The following LACTBL1 variants were observed in gnomAD, a reference collection of about 807,000 sequenced individuals.
LACTBL1 encodes the protein beta-lactamase-like protein 1.
In LACTBL1, 29 loss-of-function variants were observed where a neutral mutation model predicts 39.6. That is an observed-to-expected ratio of 0.73 (90% CI 0.55 to 1.00). The LOEUF (loss-of-function observed/expected upper bound fraction) is 1.00, where lower values mean the gene tolerates loss of function less well. Among genes scored for constraint, LACTBL1 ranks in the 50% least tolerant of loss-of-function variants. The pLI is 0.00. For missense variants in LACTBL1, 711 were observed against 748.5 expected (o/e 0.95, Z 0.59); for synonymous variants, 361 against 360.7 (o/e 1.00, Z -0.01).
chr1:22,959,847 C>T lies in LACTBL1; in HGVS notation c.317+95G>A, dbSNP rs1640801483. Reference sequence around the variant, plus strand: ...TAATAGGCCCTGGCAGATTAGACCCCAGCCATGATTCTCTTCAGTATCCTT... The same window carrying T: ...TAATAGGCCCTGGCAGATTAGACCCTAGCCATGATTCTCTTCAGTATCCTT... On this transcript the variant is annotated intron_variant, in intron 3 of 5. Transcript: ENST00000426928. 7 of 1,413,366 alleles carry T rather than the reference C, an allele frequency of 5.0e-6. No individual in the cohort carries two copies. In the East Asian group the frequency reaches 1.7e-4, roughly 35 times the overall value. The allele number at this position is 1,413,366 out of a possible 1,614,324, so 87.6% of individuals were successfully genotyped here.
exon 6 of LACTBL1, chr1:22,953,073 C>A (rs893271889): frequency 8.1e-7 from 1 of 1,232,198 alleles, no homozygotes; most frequent in South Asian, 4.1e-5. Context: ...GCTTGCCCCG[C>A]AGCCGCAGCA....
chr1:22,964,474 C>A (rs996014722), intron 1 of LACTBL1, among the ~76,000 whole-genome samples: 5 of 152,210 alleles, frequency 3.3e-5, no homozygotes, highest in African/African-American at 1.2e-4. Flanking sequence ...GCCGACTTGC[C>A]CAGTGCACCA....
chr1:22,953,658 G>A (rs1570496947), exon 6 of LACTBL1: 2 of 1,271,908 alleles, frequency 1.6e-6, no homozygotes, highest in East Asian at 3.2e-5. Flanking sequence ...CCGTCTCGTT[G>A]GCGAAGTAGG....
At chr1:22,971,506 A>AAC in the LACTBL1 span, among the ~76,000 whole-genome samples, 1 of 67,382 alleles carries the variant, frequency 1.5e-5, no homozygotes, top group Non-Finnish European at 3.2e-5. Flanking sequence ...CGGCTCCACC[A>AAC]CCCCCCAACC....
chr1:22,958,263 T>C, intron 4 of LACTBL1, among the ~76,000 whole-genome samples: 1 of 151,998 alleles, frequency 6.6e-6, no homozygotes, highest in African/African-American at 2.4e-5. Flanking sequence ...TTTTTTAAAA[T>C]TTTTAGAGAC....
At chr1:22,953,960 C>T (rs1361373546) in exon 6 of LACTBL1, 12 of 1,549,596 alleles carry the variant, frequency 7.7e-6, no homozygotes, top group Non-Finnish European at 9.6e-6. Context: ...TGGTAGTCGC[C>T]CTGGGCGGTG....
upstream of LACTBL1, among the ~76,000 whole-genome samples, chr1:22,968,692 A>T (rs918619596): frequency 6.6e-6 from 1 of 152,184 alleles, no homozygotes; most frequent in African/African-American, 2.4e-5. Flanking sequence ...CTGATTTGCA[A>T]TCTTAGCTCA....
chr1:22,958,980 T>C (rs1304944563), intron 3 of LACTBL1, 60 bp from the exon 6 acceptor site: 1 of 1,138,364 alleles, frequency 8.8e-7, no homozygotes, highest in African/African-American at 1.5e-5. Flanking sequence ...ACAACCCACC[T>C]CCTGCCCCCA....
At chr1:22,965,205 C>G (rs1313380100) in intron 1 of LACTBL1, 85 bp downstream of exon 3, 13 of 1,169,944 alleles carry the variant, frequency 1.1e-5, no homozygotes, top group Non-Finnish European at 1.4e-5. Flanking sequence ...TCCTCCCCTA[C>G]ACACTAGAAT....
chr1:22,965,272 G>T lies in LACTBL1; in HGVS notation c.49+18C>A. 1 of 1,312,150 alleles carries T rather than the reference G, an allele frequency of 7.6e-7. No individual in the cohort carries two copies. 81.3% of individuals were successfully genotyped at this position (1,312,150 alleles called of 1,614,324 possible). On this transcript the variant is annotated intron_variant, in intron 1 of 5. Transcript: ENST00000426928. ...CAGGGGGCTATGGGGAGGAACTCAA[G>T]GCTGTCTCTGCACTCACCGGTCTTC... is the stretch of plus-strand genomic sequence containing the variant.
intron 1 of LACTBL1, 25 bp downstream of exon 3, chr1:22,965,265 A>G: frequency 7.7e-7 from 1 of 1,305,998 alleles, no homozygotes. Flanking sequence ...TATGGGGAGG[A>G]ACTCAAGGCT....
chr1:22,958,933 G>A lies in LACTBL1; in HGVS notation c.318-13C>T, dbSNP rs1319159072. 1.4e-5 allele frequency: 22 copies of A among 1,529,462 alleles called. No homozygotes were observed. Among genetic ancestry groups the A allele is most frequent in the Non-Finnish European group, 1.9e-5 (22 of 1,130,678 alleles). 94.7% of individuals were successfully genotyped at this position (1,529,462 alleles called of 1,614,324 possible). A position where few individuals can be genotyped will look rare whatever the true frequency, so the allele number is the denominator to read the frequency against. On this transcript the variant is annotated splice_polypyrimidine_tract_variant and intron_variant, in intron 3 of 5. Coordinates refer to ENST00000426928, the Ensembl canonical transcript of LACTBL1. ...GATGCTGGAGATCCTAGATAATGTT[G>A]GGAATACAAGCAGTCAAAGGGCATC... is the stretch of plus-strand genomic sequence containing the variant.
exon 6 of LACTBL1, chr1:22,953,244 G>A: frequency 8.1e-7 from 1 of 1,231,952 alleles, no homozygotes; most frequent in Non-Finnish European, 1.0e-6. Flanking sequence ...GCAGCTGGAA[G>A]ACGCGGCCGT....
chr1:22,962,894 C>T (rs181072864), intron 2 of LACTBL1, among the ~76,000 whole-genome samples: 24 of 152,346 alleles, frequency 1.6e-4, no homozygotes, highest in Middle Eastern at 3.4e-3. Flanking sequence ...GTATCTTCAC[C>T]GTTCCTCTCG....
exon 6 of LACTBL1, chr1:22,953,165 C>T (rs575919226): frequency 1.6e-6 from 2 of 1,232,166 alleles, no homozygotes; most frequent in East Asian, 3.2e-5. Context: ...ACCAGCTGCC[C>T]GTGCTGGGCC....
upstream of LACTBL1, among the ~76,000 whole-genome samples, chr1:22,966,846 G>A (rs900813510): frequency 6.6e-6 from 1 of 152,082 alleles, no homozygotes; most frequent in Non-Finnish European, 1.5e-5. Context: ...ATGCTTCAGG[G>A]TCTGCCTGGG....
At chr1:22,966,454 C>T (rs1007323392), upstream of LACTBL1, among the ~76,000 whole-genome samples, 1 of 152,230 alleles carries the variant, frequency 6.6e-6, no homozygotes, top group African/African-American at 2.4e-5. Flanking sequence ...GTCCTCAGTA[C>T]ACACGCAATC....
exon 3 of LACTBL1, chr1:22,960,042 C>T: frequency 1.3e-6 from 2 of 1,550,820 alleles, no homozygotes; most frequent in Non-Finnish European, 8.7e-7. Flanking sequence ...TGGATGACAA[C>T]TGCAGACATG....
chr1:22,953,760 C>T, exon 6 of LACTBL1: 1 of 1,432,490 alleles, frequency 7.0e-7, no homozygotes, highest in Non-Finnish European at 9.1e-7. Context: ...GCGCCACGGC[C>T]AGCTTGGCCA....
Sources: gnomAD v4.1 joint callset for allele counts (sites outside exome capture counted in the v4.1 genomes callset) on GRCh38, gnomAD v4.1.1 for gene constraint, MANE v1.5 for transcripts, NCBI Gene and HGNC (gene_info 2026-07-23, HGNC 2026-07-21) for gene names.